PDPN: variants seen among roughly 807,000 people sequenced by gnomAD.
The protein encoded by PDPN is podoplanin, also known as PA2.26 antigen.
A neutral mutation model predicts 23.2 loss-of-function variants in PDPN; 12 were observed. That is an observed-to-expected ratio of 0.52 (90% CI 0.33 to 0.84). The LOEUF is 0.84. Ranked by LOEUF, PDPN falls within the 40% of genes least tolerant of loss-of-function variation. PDPN has a pLI of 0.02. For synonymous variants in PDPN, 77 were observed against 76.7 expected (o/e 1.00, Z -0.02); for missense variants, 199 against 212.2 (o/e 0.94, Z 0.39).
intron 1 of PDPN, among the ~76,000 whole-genome samples, chr1:13,587,418 T>C (rs1440276548): frequency 6.6e-6 from 1 of 152,190 alleles, no homozygotes; most frequent in Admixed American, 6.5e-5. Context: ...ATATTTGTCA[T>C]ATTTCTGGCT....
At chr1:13,607,387 A>G (rs1423237298) in intron 2 of PDPN, 81 bp downstream of exon 2, 1 of 968,470 alleles carries the variant, frequency 1.0e-6, no homozygotes. Flanking sequence ...AATTTACTTT[A>G]TATAAAAATA....
chr1:13,583,934 C>T lies in PDPN; in HGVS notation c.-100C>T, dbSNP rs370833657. The T allele has an allele frequency of 5.3e-5, 85 of 1,613,318 alleles. No homozygotes were observed. The highest frequency in any genetic ancestry group is 6.8e-5 in the Non-Finnish European group (80 of 1,179,850). The stretch of plus-strand genomic sequence containing the variant: ...CCCCTCCGGCCCCCCCACCGTCGCG[C>T]TCCTCCAGGCTGGGCCTGTGGCCGC... On this transcript the variant is annotated 5_prime_UTR_variant, in exon 1 of 6. Transcript: ENST00000621990.
At chr1:13,605,306 T>C (rs1421203312) in intron 1 of PDPN, among the ~76,000 whole-genome samples, 1 of 152,182 alleles carries the variant, frequency 6.6e-6, no homozygotes, top group African/African-American at 2.4e-5. Context: ...ATCTGCTCTT[T>C]CATTACACAA....
chr1:13,609,828 A>C (rs1184557228), intron 2 of PDPN, among the ~76,000 whole-genome samples: 1 of 152,204 alleles, frequency 6.6e-6, no homozygotes, highest in Admixed American at 6.5e-5. Flanking sequence ...GCACTTTGGG[A>C]GGCCAAGGCA....
intron 1 of PDPN, among the ~76,000 whole-genome samples, chr1:13,592,888 C>T (rs1393073378): frequency 2.0e-5 from 3 of 152,136 alleles, no homozygotes; most frequent in Non-Finnish European, 4.4e-5. Flanking sequence ...ATCTTGGCAC[C>T]TCTGTCAAAA....
chr1:13,610,753 G>A (rs1368697810), intron 3 of PDPN, among the ~76,000 whole-genome samples: 2 of 152,250 alleles, frequency 1.3e-5, no homozygotes, highest in African/African-American at 4.8e-5. Flanking sequence ...TGCACAGGGT[G>A]AGTTAAGTAG....
chr1:13,588,943 G>A (rs946224736), intron 1 of PDPN, among the ~76,000 whole-genome samples: 4 of 87,410 alleles, frequency 4.6e-5, no homozygotes, highest in African/African-American at 1.7e-4. Flanking sequence ...GGGATTACAG[G>A]TGTGAGCCAC....
chr1:13,607,778 T>C (rs1640828537), intron 2 of PDPN, among the ~76,000 whole-genome samples: 1 of 152,148 alleles, frequency 6.6e-6, no homozygotes, highest in Non-Finnish European at 1.5e-5. Context: ...TTCTTGGGTG[T>C]TGTGGCAATG....
At chr1:13,583,792 C>T (rs751311332), upstream of PDPN, 20 of 1,527,596 alleles carry the variant, frequency 1.3e-5, no homozygotes, top group Non-Finnish European at 1.7e-5. Context: ...CCCCCGCCTC[C>T]TCGGGAGAGA....
intron 1 of PDPN, chr1:13,585,731 G>A (rs1425685384): frequency 1.9e-6 from 2 of 1,044,354 alleles, no homozygotes; most frequent in Non-Finnish European, 1.3e-6. Flanking sequence ...GGGGCTGGCT[G>A]AGTGAGGGTG....
At chr1:13,605,239 G>GTATC (rs1286965788) in intron 1 of PDPN, among the ~76,000 whole-genome samples, 2 of 125,174 alleles carry the variant, frequency 1.6e-5, no homozygotes, top group Non-Finnish European at 3.7e-5. Context: ...GGAGAATAAG[G>GTATC]TATCTTAAGG....
At chr1:13,612,626 C>G (rs1360925166) in intron 3 of PDPN, among the ~76,000 whole-genome samples, 4 of 152,176 alleles carry the variant, frequency 2.6e-5, no homozygotes, top group African/African-American at 9.7e-5. Flanking sequence ...CTTACGTGCT[C>G]TATACCCATG....
At chr1:13,590,626 C>T (rs1251900744) in intron 1 of PDPN, among the ~76,000 whole-genome samples, 2 of 151,914 alleles carry the variant, frequency 1.3e-5, no homozygotes, top group Admixed American at 6.6e-5. Context: ...TGGGAATAGG[C>T]GTGGGCATTG....
In PDPN at chr1:13,595,804, C is replaced by T. The variant is rs548112847; in HGVS notation, c.68-11369C>T. 285 of 1,172,988 alleles carry T rather than the reference C, an allele frequency of 2.4e-4. 1 individual carries two copies. The highest frequency in any genetic ancestry group is 2.8e-4 in the Non-Finnish European group (251 of 882,792). The allele number at this position is 1,172,988 out of a possible 1,614,324, so 72.7% of individuals were successfully genotyped here. On this transcript the variant is annotated intron_variant, in intron 1 of 5. Transcript: ENST00000621990. ...TTTGCAGGTGCCGTGCTATCTTCAG[C>T]TATGCCGTCTCTTTCATTACAGGGG...
intron 1 of PDPN, among the ~76,000 whole-genome samples, chr1:13,587,512 A>C (rs955454934): frequency 5.3e-5 from 8 of 152,192 alleles, no homozygotes; most frequent in Non-Finnish European, 1.5e-5. Flanking sequence ...TCAACTACTC[A>C]GGATTACCCT....
At chr1:13,588,866 T>C (rs1640256145) in intron 1 of PDPN, among the ~76,000 whole-genome samples, 1 of 146,132 alleles carries the variant, frequency 6.8e-6, no homozygotes, top group African/African-American at 2.5e-5. Flanking sequence ...TTAGTAGAGA[T>C]GGAGTTTCAC....
At chr1:13,604,267 G>A (rs1377800672) in intron 1 of PDPN, among the ~76,000 whole-genome samples, 2 of 152,184 alleles carry the variant, frequency 1.3e-5, no homozygotes, top group Non-Finnish European at 2.9e-5. Flanking sequence ...AAGGGGAAAA[G>A]ACATGAGATG....
At chr1:13,612,396 ATATAT>A (rs1640957563) in intron 3 of PDPN, among the ~76,000 whole-genome samples, 1 of 152,180 alleles carries the variant, frequency 6.6e-6, no homozygotes, top group Non-Finnish European at 1.5e-5. Flanking sequence ...AACTTTAGTA[ATATAT>A]TTTCTAACCA....
intron 1 of PDPN, among the ~76,000 whole-genome samples, chr1:13,589,271 G>T (rs1640270067): frequency 6.6e-6 from 1 of 152,204 alleles, no homozygotes; most frequent in African/African-American, 2.4e-5. Context: ...AGAAGGGCAT[G>T]CCTTGGACAG....
Sources: allele counts gnomAD v4.1 joint callset (sites outside exome capture counted in the v4.1 genomes callset), GRCh38; gene constraint gnomAD v4.1.1; transcripts MANE v1.5; gene names NCBI Gene and HGNC (gene_info 2026-07-23, HGNC 2026-07-21).